The following SMPD4 variants were observed in gnomAD, a reference collection of about 807,000 sequenced individuals.
SMPD4 encodes sphingomyelin phosphodiesterase 4, also known as neutral sphingomyelinase 3.
SMPD4 carries 58 observed loss-of-function variants against 97.8 expected under a neutral mutation model. That is an observed-to-expected ratio of 0.59 (90% confidence interval 0.48 to 0.74). The LOEUF is 0.74. Among genes scored for constraint, SMPD4 ranks in the 30% least tolerant of loss-of-function variants. The pLI is 0.00. For missense variants in SMPD4, 853 were observed against 1,080.5 expected (o/e 0.79, Z 2.95); for synonymous variants, 388 against 450.0 (o/e 0.86, Z 1.74).
At chr2:130,181,426 C>T (rs1355846805) in intron 1 of SMPD4, 104 bp downstream of exon 1, 1 of 1,507,292 alleles carries the variant, frequency 6.6e-7, no homozygotes, top group Non-Finnish European at 8.9e-7. Flanking sequence ...GGCTGGCCGG[C>T]CCGAGTCCTG....
At chr2:130,155,811 C>A (rs1302378938) in intron 14 of SMPD4, among the ~76,000 whole-genome samples, 1 of 152,054 alleles carries the variant, frequency 6.6e-6, no homozygotes, top group East Asian at 1.9e-4. Flanking sequence ...GGATGGGTCA[C>A]CCACAGCTTC....
At chr2:130,159,637 CAAA>C (rs543921050) in intron 11 of SMPD4, 25 of 72,900 alleles carry the variant, frequency 3.4e-4, no homozygotes, top group Non-Finnish European at 3.2e-4. Context: ...GACTCCATCT[CAAA>C]AAAAAAAAAA....
At chr2:130,180,498 C>T (rs1374096988) in intron 1 of SMPD4, among the ~76,000 whole-genome samples, 1 of 152,100 alleles carries the variant, frequency 6.6e-6, no homozygotes, top group African/African-American at 2.4e-5. Flanking sequence ...GTCTTGAACT[C>T]CTGACCTCGT....
chr2:130,176,030 C>A (rs577829544), intron 2 of SMPD4, among the ~76,000 whole-genome samples: 2 of 151,934 alleles, frequency 1.3e-5, no homozygotes, highest in South Asian at 4.2e-4. Flanking sequence ...ACTATGTTGC[C>A]CAGGCTGGTC....
intron 11 of SMPD4, among the ~76,000 whole-genome samples, chr2:130,160,458 C>T (rs1033181622): frequency 2.0e-4 from 30 of 152,242 alleles, no homozygotes; most frequent in African/African-American, 6.8e-4. Flanking sequence ...TCCCTGAAGT[C>T]CCCTACAGGT....
At chr2:130,179,978 T>C (rs1357111745) in intron 1 of SMPD4, among the ~76,000 whole-genome samples, 1 of 149,384 alleles carries the variant, frequency 6.7e-6, no homozygotes, top group Non-Finnish European at 1.5e-5. Context: ...TCCTTTTTTT[T>C]TTTTTGAGAT....
chr2:130,171,976 T>C (rs576843405), intron 8 of SMPD4, among the ~76,000 whole-genome samples: 39 of 152,324 alleles, frequency 2.6e-4, no homozygotes, highest in Non-Finnish European at 5.3e-4. Flanking sequence ...CCCTTCAAGA[T>C]CTGCTCCTGG....
At chr2:130,180,962 G>A (rs941044348) in intron 1 of SMPD4, among the ~76,000 whole-genome samples, 1 of 152,130 alleles carries the variant, frequency 6.6e-6, no homozygotes, top group Non-Finnish European at 1.5e-5. Flanking sequence ...TTTTCTCCAG[G>A]AGCTGCTTCG....
chr2:130,158,776 T>C (rs1333750532), intron 11 of SMPD4, among the ~76,000 whole-genome samples: 1 of 152,092 alleles, frequency 6.6e-6, no homozygotes, highest in Non-Finnish European at 1.5e-5. Flanking sequence ...TGCTCGCCTC[T>C]CCACACTTGT....
intron 10 of SMPD4, among the ~76,000 whole-genome samples, chr2:130,161,835 A>G (rs1172844282): frequency 6.6e-6 from 1 of 152,224 alleles, no homozygotes; most frequent in East Asian, 1.9e-4. Context: ...CAGAAAACAC[A>G]TGTGGAATTG....
At position 130,153,074 on chromosome 2, in the gene SMPD4, A is replaced by G. The variant is rs1184555204; in HGVS notation, c.2123T>C (p.Leu708Pro). ...SYEIASLVRT[L>P]FRLSSAINHR... ...GTTGATGGCAGACGACAGCCTAAAG[A>G]GTGTGCGGACCAAGCTGGCGATCTC... is the stretch of plus-strand genomic sequence containing the variant. Residue 708 changes from leucine (L) to proline (P), a missense_variant, in exon 19 of 20, where the codon CTC becomes CCC. Transcript: ENST00000680298. 5 of 1,612,760 alleles carry G rather than the reference A, an allele frequency of 3.1e-6. No individual in the cohort carries two copies. Among genetic ancestry groups the G allele is most frequent in the African/African-American group, 1.3e-5 (1 of 74,876 alleles).
chr2:130,181,248 C>G, intron 1 of SMPD4: 1 of 1,330,668 alleles, frequency 7.5e-7, no homozygotes, highest in Non-Finnish European at 9.6e-7. Context: ...ACAAAGCTCT[C>G]CTTCCCTCAA....
chr2:130,172,264 G>A, intron 8 of SMPD4, 85 bp downstream of exon 8: 2 of 1,389,668 alleles, frequency 1.4e-6, no homozygotes, highest in Non-Finnish European at 9.6e-7. Flanking sequence ...TGGACAAAGG[G>A]TGGCAACATT....
In SMPD4 at chr2:130,167,579, A is replaced by G. The variant is rs1254698241; in HGVS notation, c.671T>C (p.Ile224Thr). 6.2e-7 allele frequency: 1 copy of G among 1,609,546 alleles called. No homozygotes were observed. Among genetic ancestry groups the G allele is most frequent in the African/African-American group, 1.3e-5 (1 of 74,864 alleles). The change falls in exon 9 of 20, where the codon ATA (isoleucine) becomes ACA (threonine). Residue 224 changes from isoleucine to threonine, a missense_variant. This residue lies in a region of SMPD4 where 313 missense variants were observed against 402.2 expected (regional missense o/e 0.78). Transcript: ENST00000680298. Reference protein sequence around the residue: ...SPSPPPRTPAIPFASYGLHHT... With the variant: ...SPSPPPRTPATPFASYGLHHT... ...GTGGAGGCCATAGGAAGCAAAGGGT[A>G]TGGCTGGTGTCCTGAGGGAGACACA... is the stretch of plus-strand genomic sequence containing the variant.
intron 18 of SMPD4, 50 bp downstream of exon 18, chr2:130,153,269 G>A: frequency 6.2e-7 from 1 of 1,612,782 alleles, no homozygotes; most frequent in Non-Finnish European, 8.5e-7. Context: ...GAGGGAGCTG[G>A]GGACGGGTCA....
At chr2:130,177,229 C>T (rs921269098) in intron 1 of SMPD4, among the ~76,000 whole-genome samples, 5 of 152,208 alleles carry the variant, frequency 3.3e-5, no homozygotes, top group African/African-American at 1.2e-4. Flanking sequence ...TACAGGCAAA[C>T]ATCAACAAGC....
rs560456905 is a variant in SMPD4 at position 130,161,279 on chromosome 2, T to A, written c.865-7A>T. The A allele has an allele frequency of 6.9e-5, 111 of 1,611,776 alleles. No individual in the cohort carries two copies. The African/African-American group carries it at 7.7e-4, about 11-fold the overall frequency. On this transcript the variant is annotated splice_region_variant and splice_polypyrimidine_tract_variant and intron_variant, in intron 10 of 19. Transcript: ENST00000680298. Reference sequence around the variant, plus strand: ...GGTAGTGCAGAACCTCCAGCTGAGATAAGAAACAGAGAGATGCCGGAAGAG... The same window carrying A: ...GGTAGTGCAGAACCTCCAGCTGAGAAAAGAAACAGAGAGATGCCGGAAGAG...
rs760454124 is a variant in SMPD4, at chr2:130,173,340, T to G, written c.284A>C (p.Lys95Thr). The stretch of plus-strand genomic sequence containing the variant: ...TTCAGCTTGAAGCTTATAAACCAAC[T>G]TCATCATTGGGCCACTGAACACGAA... ...EFLDPGGPMM[K>T]LVYKLQAEDY... The change falls in exon 5 of 20, where the codon AAG becomes ACG. Residue 95 changes from lysine to threonine, a missense_variant. This residue lies in a region of SMPD4 where 313 missense variants were observed against 402.2 expected (regional missense o/e 0.78). Transcript: ENST00000680298. 35 of 1,612,656 alleles carry G rather than the reference T, an allele frequency of 2.2e-5. No homozygotes were observed. The highest frequency in any genetic ancestry group is 3.0e-5 in the Non-Finnish European group (35 of 1,179,590).
At chr2:130,157,606 G>A in intron 11 of SMPD4, 1 of 1,029,068 alleles carries the variant, frequency 9.7e-7, no homozygotes, top group Non-Finnish European at 1.4e-6. Context: ...ACTGTGACCA[G>A]CTTGTGGTAT....
Sources: allele counts gnomAD v4.1 joint callset (sites outside exome capture counted in the v4.1 genomes callset), GRCh38; gene constraint gnomAD v4.1.1; regional missense constraint gnomAD v4.1.1; transcripts MANE v1.5; gene names NCBI Gene and HGNC (gene_info 2026-07-23, HGNC 2026-07-21).